The following INSYN2B variants were observed in gnomAD, a reference collection of about 807,000 sequenced individuals.
INSYN2B encodes protein INSYN2B.
In INSYN2B, 16 loss-of-function variants were observed where a neutral mutation model predicts 41.2. That is an observed-to-expected ratio of 0.39 (90% CI 0.26 to 0.59). INSYN2B has a LOEUF of 0.59. INSYN2B is among the 20% of genes least tolerant of loss of function. The pLI, the probability that INSYN2B is intolerant of heterozygous loss-of-function variation, is 0.57. For synonymous variants in INSYN2B, 245 were observed against 244.4 expected (o/e 1.00, Z -0.02); for missense variants, 608 against 646.4 (o/e 0.94, Z 0.64).
chr5:169,949,959 G>T (rs1370348141), intron 1 of INSYN2B, among the ~76,000 whole-genome samples: 2 of 152,060 alleles, frequency 1.3e-5, no homozygotes, highest in African/African-American at 4.8e-5. Flanking sequence ...ATTATCCTCT[G>T]GCAGGATTCA....
intron 1 of INSYN2B, among the ~76,000 whole-genome samples, chr5:169,969,272 C>T (rs1374680032): frequency 6.6e-6 from 1 of 151,942 alleles, no homozygotes; most frequent in Non-Finnish European, 1.5e-5. Flanking sequence ...TGGTAAAACA[C>T]CATCTCTACT....
At chr5:169,928,098 T>C (rs949629629) in intron 1 of INSYN2B, among the ~76,000 whole-genome samples, 5 of 152,194 alleles carry the variant, frequency 3.3e-5, no homozygotes, top group Admixed American at 2.6e-4. Flanking sequence ...GATAAGATAC[T>C]GTCAACCTGG....
At chr5:169,950,524 C>G (rs1164560671) in intron 1 of INSYN2B, among the ~76,000 whole-genome samples, 1 of 152,032 alleles carries the variant, frequency 6.6e-6, no homozygotes, top group Non-Finnish European at 1.5e-5. Context: ...ACAACATGGC[C>G]CCTCTCTTGT....
At chr5:169,913,805 G>T (rs1035404191) in intron 1 of INSYN2B, among the ~76,000 whole-genome samples, 3 of 152,108 alleles carry the variant, frequency 2.0e-5, no homozygotes, top group Non-Finnish European at 2.9e-5. Context: ...TAGATGCTTC[G>T]CTATTAGAAT....
At chr5:169,971,241 A>G (rs1265495793) in intron 1 of INSYN2B, among the ~76,000 whole-genome samples, 3 of 152,086 alleles carry the variant, frequency 2.0e-5, no homozygotes, top group Non-Finnish European at 4.4e-5. Flanking sequence ...CAATGAATCA[A>G]TGAAGTATCA....
chr5:169,947,253 C>T lies in INSYN2B; in HGVS notation c.-919+33024G>A, dbSNP rs59205843. ...CTGTACATTATACAGTCACTGCAAACTCACTTGAATGTATTAACAAAATGT... is the reference window on the plus strand; with the variant it reads ...CTGTACATTATACAGTCACTGCAAATTCACTTGAATGTATTAACAAAATGT... On this transcript the variant is annotated intron_variant, in intron 1 of 3. Coordinates refer to ENST00000377365, the MANE Select transcript of INSYN2B (RefSeq NM_001129891.3). 3.7e-3 allele frequency among the ~76,000 whole-genome samples: 565 copies of T among 152,332 alleles called. 3 individuals carry two copies. Among genetic ancestry groups the T allele is most frequent in the African/African-American group, 0.013 (546 of 41,562 alleles).
intron 1 of INSYN2B, among the ~76,000 whole-genome samples, chr5:169,956,074 G>C (rs1776854368): frequency 1.3e-5 from 2 of 151,950 alleles, no homozygotes; most frequent in African/African-American, 4.8e-5. Flanking sequence ...TTGGGGTCTG[G>C]AGTCTGGGTT....
At chr5:169,876,503 C>T (rs556090906) in intron 3 of INSYN2B, among the ~76,000 whole-genome samples, 1 of 152,322 alleles carries the variant, frequency 6.6e-6, no homozygotes, top group East Asian at 1.9e-4. Flanking sequence ...TTGCCTTTCC[C>T]ACTACAGTCA....
At chr5:169,953,296 A>G (rs1170601611) in intron 1 of INSYN2B, among the ~76,000 whole-genome samples, 1 of 150,548 alleles carries the variant, frequency 6.6e-6, no homozygotes, top group African/African-American at 2.4e-5. Context: ...TTACACCATT[A>G]TACTCCAGCC....
intron 3 of INSYN2B, among the ~76,000 whole-genome samples, chr5:169,880,257 G>C (rs261075): frequency 1.3e-5 from 2 of 152,198 alleles, no homozygotes; most frequent in Non-Finnish European, 2.9e-5. Context: ...TCTTTGTAAG[G>C]AGCTGATGGG....
At chr5:169,949,310 T>C (rs572493439) in intron 1 of INSYN2B, among the ~76,000 whole-genome samples, 1 of 152,182 alleles carries the variant, frequency 6.6e-6, no homozygotes, top group South Asian at 2.1e-4. Flanking sequence ...ATCATAATAA[T>C]GTGGACAGAA....
intron 2 of INSYN2B, among the ~76,000 whole-genome samples, chr5:169,882,199 G>A (rs944357291): frequency 3.3e-5 from 5 of 152,146 alleles, no homozygotes; most frequent in African/African-American, 1.2e-4. Flanking sequence ...CTAAGAGGAG[G>A]GGGATGGGGA....
chr5:169,881,260 C>T, intron 3 of INSYN2B, 108 bp downstream of exon 3: 1 of 861,616 alleles, frequency 1.2e-6, no homozygotes, highest in East Asian at 2.7e-5. Flanking sequence ...TAGTTAAATA[C>T]CTTGTTTTTG....
At position 169,862,639 on chromosome 5, in the gene INSYN2B, C is replaced by T. The variant is rs932587276; in HGVS notation, c.*1634G>A. 3.0e-4 allele frequency among the ~76,000 whole-genome samples: 45 copies of T among 152,202 alleles called. No individual in the cohort carries two copies. The highest frequency in any genetic ancestry group is 1.1e-3 in the African/African-American group (45 of 41,448). On this transcript the variant is annotated 3_prime_UTR_variant, in exon 4 of 4. Coordinates refer to ENST00000377365, the MANE Select transcript of INSYN2B (RefSeq NM_001129891.3). ...TCCGGTCTGATTCTGTGGGCTTAAA[C>T]ATTACACTAGAAACAGAACAAGAAC...
chr5:169,893,758 T>C (rs551036744), intron 1 of INSYN2B, among the ~76,000 whole-genome samples: 7 of 152,276 alleles, frequency 4.6e-5, no homozygotes, highest in East Asian at 3.9e-4. Context: ...GATTTACTCA[T>C]AGGGTACAGA....
At chr5:169,888,642 G>A (rs1254626605) in intron 1 of INSYN2B, among the ~76,000 whole-genome samples, 1 of 152,188 alleles carries the variant, frequency 6.6e-6, no homozygotes, top group Non-Finnish European at 1.5e-5. Flanking sequence ...TAAGTGCATA[G>A]GCTTTTGCTT....
chr5:169,871,146 C>T (rs1276944470), intron 3 of INSYN2B, among the ~76,000 whole-genome samples: 1 of 152,160 alleles, frequency 6.6e-6, no homozygotes, highest in Non-Finnish European at 1.5e-5. Context: ...GTTTCTACCT[C>T]CAAATATCAT....
chr5:169,973,450 C>T (rs906010946), intron 1 of INSYN2B, among the ~76,000 whole-genome samples: 1 of 152,162 alleles, frequency 6.6e-6, no homozygotes, highest in Non-Finnish European at 1.5e-5. Context: ...TTAAGGGACC[C>T]TCTGCATGTG....
intron 1 of INSYN2B, among the ~76,000 whole-genome samples, chr5:169,977,324 C>T (rs554891098): frequency 2.6e-5 from 4 of 152,262 alleles, no homozygotes; most frequent in Admixed American, 6.5e-5. Context: ...TAGATAGTCA[C>T]GGGTAGGCGG....
Sources: allele counts gnomAD v4.1 joint callset (sites outside exome capture counted in the v4.1 genomes callset), GRCh38; gene constraint gnomAD v4.1.1; transcripts MANE v1.5; gene names NCBI Gene and HGNC (gene_info 2026-07-23, HGNC 2026-07-21).